The following TANGO6 variants were observed in gnomAD, a reference collection of about 807,000 sequenced individuals.
TANGO6 encodes transport and golgi organization 6 homolog.
A neutral mutation model predicts 114.2 loss-of-function variants in TANGO6; 90 were observed. The observed-to-expected ratio is 0.79, with a 90% CI of 0.66 to 0.94. The LOEUF (loss-of-function observed/expected upper bound fraction) is 0.94. Among genes scored for constraint, TANGO6 ranks in the 40% least tolerant of loss-of-function variants. TANGO6 has a pLI of 0.00. For synonymous variants in TANGO6, 477 were observed against 509.8 expected, an observed-to-expected ratio of 0.94 and a Z score of 0.87; for missense variants, 1,274 against 1,315.3, an observed-to-expected ratio of 0.97 and a Z score of 0.49.
intron 1 of TANGO6, among the ~76,000 whole-genome samples, chr16:68,847,960 A>C (rs1961840586): frequency 6.8e-6 from 1 of 146,804 alleles, no homozygotes; most frequent in African/African-American, 2.5e-5. Flanking sequence ...AGATCGTACC[A>C]CTGCACTCCA....
At chr16:68,851,071 A>G (rs1220358633) in intron 1 of TANGO6, among the ~76,000 whole-genome samples, 4 of 152,122 alleles carry the variant, frequency 2.6e-5, no homozygotes, top group Non-Finnish European at 5.9e-5. Flanking sequence ...TTGAAAAGAC[A>G]TGCAAATAAT....
intron 15 of TANGO6, among the ~76,000 whole-genome samples, chr16:68,984,661 G>A (rs1597047701): frequency 1.3e-5 from 2 of 151,924 alleles, no homozygotes; most frequent in South Asian, 4.2e-4. Context: ...AGCTAGGACT[G>A]TAGGCATGCA....
intron 15 of TANGO6, among the ~76,000 whole-genome samples, chr16:69,003,066 T>C (rs901478285): frequency 6.6e-6 from 1 of 151,944 alleles, no homozygotes; most frequent in Non-Finnish European, 1.5e-5. Flanking sequence ...AGTTTTTAAA[T>C]CTTTTATCAT....
intron 3 of TANGO6, among the ~76,000 whole-genome samples, chr16:68,865,711 C>A (rs1962166100): frequency 6.7e-6 from 1 of 150,132 alleles, no homozygotes; most frequent in African/African-American, 2.5e-5. Context: ...AGATCGAGAC[C>A]ATCCTGGCTA....
At chr16:68,980,409 C>CTCTCTCTCTCTCTATATATA (rs1408626276) in intron 15 of TANGO6, among the ~76,000 whole-genome samples, 1 of 67,994 alleles carries the variant, frequency 1.5e-5, no homozygotes, top group Non-Finnish European at 2.7e-5. Context: ...CTCTCTCTCT[C>CTCTCTCTCTCTCTATATATA]TATATATATA....
intron 17 of TANGO6, among the ~76,000 whole-genome samples, chr16:69,082,496 C>G (rs1399033833): frequency 2.6e-5 from 4 of 151,552 alleles, no homozygotes; most frequent in Non-Finnish European, 5.9e-5. Flanking sequence ...CCTGTAATAG[C>G]AATACTTTGG....
rs1555523273 is a variant in TANGO6, at chr16:68,915,000, CAT to C, written c.1993-4081_1993-4080del. On this transcript the variant is annotated intron_variant, in intron 11 of 17. Transcript: ENST00000261778. ...ACACACACACACACACACACACACA[CAT>C]ATAGATAGTGGAGGATGGGCGCAGT... Among the ~76,000 whole-genome samples, 24 of 138,908 alleles carry C rather than the reference CAT, an allele frequency of 1.7e-4. No individual in the cohort carries two copies. The South Asian group carries it at 2.3e-3, about 13-fold the overall frequency. 91.1% of individuals were successfully genotyped at this position (138,908 alleles called of 152,430 possible). A position where few individuals can be genotyped will look rare whatever the true frequency, so the allele number is the denominator to read the frequency against.
intron 1 of TANGO6, 137 bp downstream of exon 1, chr16:68,843,848 G>T (rs1276428800): frequency 1.0e-5 from 8 of 795,406 alleles, no homozygotes; most frequent in Non-Finnish European, 1.2e-5. Flanking sequence ...GGGGCTTTGA[G>T]CATTGTCTAT....
intron 1 of TANGO6, among the ~76,000 whole-genome samples, chr16:68,850,586 G>A (rs781242149): frequency 7.9e-5 from 12 of 152,098 alleles, no homozygotes; most frequent in African/African-American, 1.7e-4. Context: ...TTTCTGTGTG[G>A]TTATGCTGCT....
intron 4 of TANGO6, among the ~76,000 whole-genome samples, chr16:68,874,231 T>G (rs1398350567): frequency 6.6e-6 from 1 of 152,230 alleles, no homozygotes; most frequent in Non-Finnish European, 1.5e-5. Flanking sequence ...TTCCAGCTGC[T>G]TTGGCCTCCC....
intron 17 of TANGO6, among the ~76,000 whole-genome samples, chr16:69,053,254 A>G (rs938482231): frequency 3.9e-5 from 6 of 152,052 alleles, no homozygotes; most frequent in African/African-American, 1.4e-4. Flanking sequence ...TCACAAATAT[A>G]TATATTCCCC....
At chr16:68,925,416 G>A (rs191436523) in intron 12 of TANGO6, among the ~76,000 whole-genome samples, 1 of 152,260 alleles carries the variant, frequency 6.6e-6, no homozygotes, top group African/African-American at 2.4e-5. Flanking sequence ...TTCTTCTTTG[G>A]TAGACCTATC....
Position 68,895,646 on chromosome 16 carries a change from A to G in TANGO6, c.1378-4788A>G, listed in dbSNP as rs7204234. ...GGTTAGGTGCTCAATATTTGAATGA[A>G]TGAGTGAGTGAATGAATGAACAGTT... On this transcript the variant is annotated intron_variant, in intron 7 of 17. Coordinates refer to ENST00000261778, the MANE Select transcript of TANGO6 (RefSeq NM_024562.2). Among the ~76,000 whole-genome samples the G allele has an allele frequency of 7.6e-3, 1,165 of 152,326 alleles. 8 individuals are homozygous for G. The highest frequency in any genetic ancestry group is 0.026 in the African/African-American group (1,080 of 41,578).
chr16:69,053,227 T>G (rs1419516544), intron 17 of TANGO6, among the ~76,000 whole-genome samples: 1 of 152,170 alleles, frequency 6.6e-6, no homozygotes, highest in Non-Finnish European at 1.5e-5. Flanking sequence ...ATTATTATTA[T>G]TATTATTAAC....
intron 2 of TANGO6, among the ~76,000 whole-genome samples, chr16:68,861,227 A>C (rs1394943835): frequency 6.6e-6 from 1 of 152,176 alleles, no homozygotes; most frequent in Non-Finnish European, 1.5e-5. Context: ...TGGCATCAGC[A>C]TAGGCACTGG....
At chr16:69,028,152 G>A (rs1959536135) in intron 16 of TANGO6, among the ~76,000 whole-genome samples, 1 of 151,994 alleles carries the variant, frequency 6.6e-6, no homozygotes, top group Non-Finnish European at 1.5e-5. Flanking sequence ...TAGAGATGGG[G>A]TTTCACCATC....
rs960734318 is a variant in TANGO6, at chr16:68,913,238, TTTTTTG to T, written c.1992+3854_1992+3859del. Among the ~76,000 whole-genome samples the T allele has an allele frequency of 1.1e-4, 16 of 151,762 alleles. No homozygotes were observed. The East Asian group carries it at 1.4e-3, about 13-fold the overall frequency. On this transcript the variant is annotated intron_variant, in intron 11 of 17. Transcript: ENST00000261778. ...GCACCACCATGCCCAGCTAATTGTT[TTTTTTG>T]TTTTTGTTTTTGTTTTTTTTGTAGA...
Position 69,074,312 on chromosome 16 carries a change from G to A in TANGO6, c.3109-9173G>A, listed in dbSNP as rs79773739. Among the ~76,000 whole-genome samples, 494 of 151,768 alleles carry A rather than the reference G, an allele frequency of 3.3e-3. 4 individuals are homozygous for A. The highest frequency in any genetic ancestry group is 0.011 in the African/African-American group (475 of 41,404). On this transcript the variant is annotated intron_variant, in intron 17 of 17. Coordinates refer to ENST00000261778, the MANE Select transcript of TANGO6 (RefSeq NM_024562.2). ...ATATATATTACAGAAAAGGAGTCCCGATCCAGACCCCAAAAGAGGCTTCTT... is the reference window on the plus strand; with the variant it reads ...ATATATATTACAGAAAAGGAGTCCCAATCCAGACCCCAAAAGAGGCTTCTT...
intron 15 of TANGO6, among the ~76,000 whole-genome samples, chr16:68,979,036 C>G (rs763574223): frequency 6.6e-6 from 1 of 150,716 alleles, no homozygotes; most frequent in Non-Finnish European, 1.5e-5. Context: ...CTGCCTCCCT[C>G]AGCTTCCCAA....
Sources: gnomAD v4.1 joint callset for allele counts (sites outside exome capture counted in the v4.1 genomes callset) on GRCh38, gnomAD v4.1.1 for gene constraint, MANE v1.5 for transcripts, NCBI Gene and HGNC (gene_info 2026-07-23, HGNC 2026-07-21) for gene names.